KCNN3: variants seen among roughly 807,000 people sequenced by gnomAD.
KCNN3 encodes the protein small conductance calcium-activated potassium channel protein 3.
A neutral mutation model predicts 62.9 loss-of-function variants in KCNN3; 16 were observed. The observed-to-expected ratio is 0.25, with a 90% CI of 0.17 to 0.39. The LOEUF (loss-of-function observed/expected upper bound fraction) is 0.39. Ranked by LOEUF, KCNN3 falls within the 10% of genes least tolerant of loss-of-function variation. KCNN3 has a pLI of 1.00. For missense variants in KCNN3, 599 were observed against 949.4 expected, an observed-to-expected ratio of 0.63 and a Z score of 4.85; for synonymous variants, 370 against 389.2, an observed-to-expected ratio of 0.95 and a Z score of 0.58.
chr1:154,807,866 C>A (rs1473927213), intron 2 of KCNN3, among the ~76,000 whole-genome samples: 1 of 152,036 alleles, frequency 6.6e-6, no homozygotes, highest in Non-Finnish European at 1.5e-5. Flanking sequence ...TCCTCTGACT[C>A]TTAAACAAGA....
At chr1:154,773,008 TG>T (rs761898838) in intron 2 of KCNN3, among the ~76,000 whole-genome samples, 4 of 152,226 alleles carry the variant, frequency 2.6e-5, no homozygotes, top group Non-Finnish European at 5.9e-5. Context: ...TGTTTTGTTT[TG>T]TTTTTTTAAC....
intron 2 of KCNN3, among the ~76,000 whole-genome samples, chr1:154,805,233 T>G (rs1650120452): frequency 6.6e-6 from 1 of 152,176 alleles, no homozygotes; most frequent in Non-Finnish European, 1.5e-5. Context: ...CTAATCAGAC[T>G]ATGGACACAA....
At chr1:154,782,548 A>T (rs1169974959) in intron 2 of KCNN3, among the ~76,000 whole-genome samples, 2 of 152,112 alleles carry the variant, frequency 1.3e-5, no homozygotes, top group Non-Finnish European at 2.9e-5. Flanking sequence ...CCTTATTTAA[A>T]CTTAATTACC....
chr1:154,781,968 G>A (rs566518345), intron 2 of KCNN3, among the ~76,000 whole-genome samples: 1 of 152,320 alleles, frequency 6.6e-6, no homozygotes, highest in Admixed American at 6.5e-5. Flanking sequence ...AGGACAGGGA[G>A]GGCTCTCTAT....
Position 154,700,708 on chromosome 1 carries a change from C to T in KCNN3, c.*7268G>A, listed in dbSNP as rs1699834591. The T allele has an allele frequency of 6.6e-6, 1 of 152,060 alleles. No homozygotes were observed. Among genetic ancestry groups the T allele is most frequent in the Non-Finnish European group, 1.5e-5 (1 of 68,038 alleles). The allele number at this position is 152,060 out of a possible 1,614,324, so 9.4% of individuals were successfully genotyped here. ...ATCCCAGCTACTCGGGAGGCTGAGG[C>T]AGGAGAATTGCATGAACCCAGGAGG... On this transcript the variant is annotated 3_prime_UTR_variant, in exon 8 of 8. Coordinates refer to ENST00000271915, the MANE Select transcript of KCNN3 (RefSeq NM_002249.6).
In KCNN3 at chr1:154,707,834, A is replaced by G. The variant is rs1699993990; in HGVS notation, c.*142T>C. 1 of 951,146 alleles carries G rather than the reference A, an allele frequency of 1.1e-6. No homozygotes were observed. Among genetic ancestry groups the G allele is most frequent in the Non-Finnish European group, 1.6e-6 (1 of 627,892 alleles). The allele number at this position is 951,146 out of a possible 1,614,324, so 58.9% of individuals were successfully genotyped here. ...AGGCATGTCGGACCAAGCACGCTGA[A>G]TGAACATGAGTTAGTTAATTAGCTC... On this transcript the variant is annotated 3_prime_UTR_variant, in exon 8 of 8. Transcript: ENST00000271915.
chr1:154,769,680 C>T (rs764872991), intron 3 of KCNN3, among the ~76,000 whole-genome samples: 1 of 152,170 alleles, frequency 6.6e-6, no homozygotes, highest in Non-Finnish European at 1.5e-5. Context: ...TGCCAGAGAG[C>T]ATCTGAGGAA....
chr1:154,833,995 T>C (rs1195090152), intron 1 of KCNN3, among the ~76,000 whole-genome samples: 1 of 152,252 alleles, frequency 6.6e-6, no homozygotes, highest in Non-Finnish European at 1.5e-5. Flanking sequence ...GTAGAAATGC[T>C]GTTTTTCAGA....
chr1:154,714,592 GTGTGTGA>G (rs1395409965), intron 6 of KCNN3, among the ~76,000 whole-genome samples: 1 of 50,858 alleles, frequency 2.0e-5, no homozygotes, highest in Non-Finnish European at 4.4e-5. Context: ...TGTGTATGGT[GTGTGTGA>G]TGTGTGGTGT....
chr1:154,869,916 C>T lies in KCNN3; in HGVS notation c.49G>A (p.Glu17Lys). The change falls in exon 1 of 8, where the codon GAA (glutamate) becomes AAA (lysine). Residue 17 changes from glutamate to lysine, a missense_variant. Glu to Lys is a moderately conservative substitution (Grantham distance 56). Coordinates refer to ENST00000271915, the MANE Select transcript of KCNN3 (RefSeq NM_002249.6). This position sits in a 1 kb window ranked among gnomAD's most constrained non-coding sequence, Gnocchi z 6.1. The stretch of plus-strand genomic sequence containing the variant: ...GATGGACAGGGGCACTTGGGGTCTT[C>T]ATCCAAGTCCCCCACCCCCGAGTCA... ...FHDSGVGDLD[E>K]DPKCPCPSSG... The T allele has an allele frequency of 6.8e-6, 11 of 1,610,178 alleles. No homozygotes were observed. The highest frequency in any genetic ancestry group is 7.6e-6 in the Non-Finnish European group (9 of 1,178,416).
chr1:154,753,119 T>C (rs904840141), intron 3 of KCNN3, among the ~76,000 whole-genome samples: 10 of 152,256 alleles, frequency 6.6e-5, no homozygotes, highest in Non-Finnish European at 1.3e-4. Flanking sequence ...CAATTTCACA[T>C]GTTAAACTTG....
rs554571789 is a variant in KCNN3, at chr1:154,862,607, C to G, written c.933+6425G>C. 6.6e-6 allele frequency among the ~76,000 whole-genome samples: 1 copy of G among 152,078 alleles called. No individual in the cohort carries two copies. The highest frequency in any genetic ancestry group is 1.5e-5 in the Non-Finnish European group (1 of 67,992). On this transcript the variant is annotated intron_variant, in intron 1 of 7. Coordinates refer to ENST00000271915, the MANE Select transcript of KCNN3 (RefSeq NM_002249.6). This position sits in a 1 kb window ranked among gnomAD's most constrained non-coding sequence, Gnocchi z 4.1. The stretch of plus-strand genomic sequence containing the variant: ...ACACCTACCCTCCTCACAACCTGCC[C>G]GGTATCACCCTGAGGGCAGCAGCAC...
chr1:154,853,609 A>G (rs1223451174), intron 1 of KCNN3, among the ~76,000 whole-genome samples: 3 of 152,218 alleles, frequency 2.0e-5, no homozygotes. Context: ...CTAGAATTAC[A>G]GGCATTAGCC....
chr1:154,774,197 A>G (rs1648697241), intron 2 of KCNN3, among the ~76,000 whole-genome samples: 2 of 152,360 alleles, frequency 1.3e-5, no homozygotes, highest in South Asian at 4.1e-4. Flanking sequence ...AGCATTATTA[A>G]TGGATCTGGT....
At chr1:154,818,329 C>T (rs936008013) in intron 2 of KCNN3, among the ~76,000 whole-genome samples, 9 of 152,152 alleles carry the variant, frequency 5.9e-5, no homozygotes, top group African/African-American at 2.2e-4. Context: ...GGGAGGCTGC[C>T]TCTTCTCGGC....
intron 5 of KCNN3, among the ~76,000 whole-genome samples, chr1:154,719,380 G>T (rs4845662): frequency 0.98 from 149,161 of 152,264 alleles, 73,144 homozygotes; most frequent in East Asian, 1. Context: ...ACCTAGATGG[G>T]ACAGCCTACT....
intron 1 of KCNN3, among the ~76,000 whole-genome samples, chr1:154,832,971 C>T (rs968495725): frequency 1.3e-5 from 2 of 152,208 alleles, no homozygotes; most frequent in Admixed American, 1.3e-4. Flanking sequence ...ATTTTCATCA[C>T]CTGATAGCCA....
intron 2 of KCNN3, among the ~76,000 whole-genome samples, chr1:154,801,691 C>G (rs992295901): frequency 2.6e-5 from 4 of 152,160 alleles, no homozygotes; most frequent in African/African-American, 7.2e-5. Flanking sequence ...AGCAGGAATC[C>G]AGGGGGAGGA....
Position 154,794,760 on chromosome 1 carries a change from G to C in KCNN3, c.1030-22367C>G, listed in dbSNP as rs150011166. 6.3e-3 allele frequency among the ~76,000 whole-genome samples: 955 copies of C among 152,254 alleles called. 7 individuals carry two copies. The highest frequency in any genetic ancestry group is 0.022 in the African/African-American group (909 of 41,538). On this transcript the variant is annotated intron_variant, in intron 2 of 7. Coordinates refer to ENST00000271915, the MANE Select transcript of KCNN3 (RefSeq NM_002249.6). ...AGGCTAGGCATTGTGCATGGAGGTG[G>C]CACTGGAGGGAGGAAGGACTTTGAG...
Sources: allele counts gnomAD v4.1 joint callset (sites outside exome capture counted in the v4.1 genomes callset), GRCh38; gene constraint gnomAD v4.1.1; non-coding constraint Gnocchi (gnomAD v3.1); transcripts MANE v1.5; gene names NCBI Gene and HGNC (gene_info 2026-07-23, HGNC 2026-07-21).